WNT11: variants seen among roughly 807,000 people sequenced by gnomAD.
The protein encoded by WNT11 is protein Wnt-11.
A neutral mutation model predicts 35.6 loss-of-function variants in WNT11; 20 were observed. That is an observed-to-expected ratio of 0.56 (90% CI 0.40 to 0.82). The LOEUF is 0.82. WNT11 is among the 40% of genes least tolerant of loss of function. The probability of loss-of-function intolerance (pLI) is 0.00; values close to 1 mark genes in which losing one functional copy is unlikely to be tolerated. For synonymous variants in WNT11, 200 were observed against 211.9 expected (o/e 0.94, Z 0.49); for missense variants, 459 against 504.4 (o/e 0.91, Z 0.86).
intron 4 of WNT11, among the ~76,000 whole-genome samples, chr11:76,190,285 G>A (rs926357807): frequency 1.3e-5 from 2 of 152,010 alleles, no homozygotes; most frequent in Non-Finnish European, 2.9e-5. Context: ...CTTCACTCTC[G>A]GGTCCTCCGT....
At chr11:76,193,649 G>A (rs1953222938) in intron 3 of WNT11, among the ~76,000 whole-genome samples, 1 of 152,254 alleles carries the variant, frequency 6.6e-6, no homozygotes, top group African/African-American at 2.4e-5. Flanking sequence ...TTGAGAACAG[G>A]TGAGGCCACT....
In WNT11 at chr11:76,199,925, C is replaced by G. The variant is rs948502966; in HGVS notation, c.84-3207G>C. Among the ~76,000 whole-genome samples the G allele has an allele frequency of 1.1e-4, 17 of 152,352 alleles. No individual in the cohort carries two copies. The East Asian group carries it at 3.3e-3, about 29-fold the overall frequency. On this transcript the variant is annotated intron_variant, in intron 1 of 4. Transcript: ENST00000322563. ...CTCTGTCCTCTATGTGCTGTGCAAACTTGGGCAAACTATTGCCCCTCTCTG... is the reference window on the plus strand; with the variant it reads ...CTCTGTCCTCTATGTGCTGTGCAAAGTTGGGCAAACTATTGCCCCTCTCTG...
chr11:76,210,223 A>G (rs1310531792), upstream of WNT11: 3 of 177,500 alleles, frequency 1.7e-5, no homozygotes, highest in Admixed American at 1.3e-4. Flanking sequence ...GAACTGCACA[A>G]CCCACCACCG....
At chr11:76,197,706 A>T (rs932136890) in intron 1 of WNT11, among the ~76,000 whole-genome samples, 1 of 152,094 alleles carries the variant, frequency 6.6e-6, no homozygotes, top group East Asian at 1.9e-4. Flanking sequence ...GTGGGTCCCT[A>T]TGAACCCTGG....
intron 1 of WNT11, among the ~76,000 whole-genome samples, chr11:76,201,537 G>T (rs1953378272): frequency 6.6e-6 from 1 of 152,186 alleles, no homozygotes; most frequent in Non-Finnish European, 1.5e-5. Context: ...ATCTGGGGGT[G>T]GGGGCCTGGG....
rs774141806 is a variant in WNT11, at chr11:76,191,556, G to T, written c.890+8C>A. On this transcript the variant is annotated splice_region_variant and intron_variant, in intron 4 of 4. Transcript: ENST00000322563. ...ACCCTTTCCCACCAAGGTGGCAGCA[G>T]GCCTCACCTGTCTTGTGTCCCGTGG... 2.8e-5 allele frequency: 45 copies of T among 1,605,606 alleles called. No homozygotes were observed. Among genetic ancestry groups the T allele is most frequent in the Non-Finnish European group, 3.7e-5 (44 of 1,173,660 alleles).
chr11:76,208,835 T>C (rs1223494473), upstream of WNT11, among the ~76,000 whole-genome samples: 1 of 152,214 alleles, frequency 6.6e-6, no homozygotes, highest in African/African-American at 2.4e-5. Context: ...CCCGAGCCTC[T>C]GGGTCCTGAC....
chr11:76,194,043 G>A lies in WNT11; in HGVS notation c.597+524C>T, dbSNP rs566633472. On this transcript the variant is annotated intron_variant, in intron 3 of 4. Coordinates refer to ENST00000322563, the MANE Select transcript of WNT11 (RefSeq NM_004626.3). The surrounding 1 kb of genome is among the most constrained non-coding windows in gnomAD (Gnocchi z 5.4). ...TGAAAACCTGATAATAATGAATGCC[G>A]GAGGAAACTGTTCTAGCAGCTTCGG... Among the ~76,000 whole-genome samples the A allele has an allele frequency of 7.5e-4, 114 of 152,160 alleles. No homozygotes were observed. The highest frequency in any genetic ancestry group is 2.6e-3 in the African/African-American group (107 of 41,522).
At chr11:76,202,989 G>C (rs557306737) in intron 1 of WNT11, among the ~76,000 whole-genome samples, 2 of 152,320 alleles carry the variant, frequency 1.3e-5, no homozygotes, top group South Asian at 4.1e-4. Flanking sequence ...ACCCACCTGT[G>C]CAGCCCATCT....
chr11:76,190,602 CA>C (rs569771371), intron 4 of WNT11: 1 of 152,286 alleles, frequency 6.6e-6, no homozygotes, highest in African/African-American at 2.4e-5. Flanking sequence ...CCCAGACACC[CA>C]CTCTCTGGTG....
chr11:76,193,298 G>A (rs1953212535), intron 3 of WNT11, among the ~76,000 whole-genome samples: 1 of 152,256 alleles, frequency 6.6e-6, no homozygotes, highest in Admixed American at 6.5e-5. Flanking sequence ...CTCAGGGACG[G>A]GCCTGATTTG....
At chr11:76,205,371 T>A (rs1381115049) in intron 1 of WNT11, among the ~76,000 whole-genome samples, 1 of 151,904 alleles carries the variant, frequency 6.6e-6, no homozygotes, top group African/African-American at 2.4e-5. Flanking sequence ...TCCTGGACTT[T>A]CCCTCTCAGG....
chr11:76,210,704 T>A (rs530884563), upstream of WNT11: 2,264 of 981,322 alleles, frequency 2.3e-3, 2 homozygotes, highest in Non-Finnish European at 2.6e-3. Flanking sequence ...TGCGCTCAGC[T>A]CCCGTGGCCT....
intron 2 of WNT11, among the ~76,000 whole-genome samples, chr11:76,196,003 G>A (rs189578136): frequency 6.6e-6 from 1 of 152,248 alleles, no homozygotes; most frequent in East Asian, 1.9e-4. Context: ...GGAAGTCTTC[G>A]AGATGTTCTG....
In WNT11 at chr11:76,191,733, A is replaced by G. The variant is rs1286965869; in HGVS notation, c.721T>C (p.Tyr241His). Residue 241 changes from tyrosine to histidine, a missense_variant, in exon 4 of 5, where the codon TAC (tyrosine) becomes CAC (histidine). Tyr to His is a moderately conservative substitution (Grantham distance 83). Transcript: ENST00000322563. Reference protein sequence around the residue: ...QDVAADLKTRYLSATKVVHRP... With the variant: ...QDVAADLKTRHLSATKVVHRP... ...TGCACTACCTTGGTGGCCGACAGGT[A>G]TCGGGTCTTGAGGTCAGCAGCCACA... The G allele has an allele frequency of 2.5e-6, 4 of 1,613,636 alleles. No individual in the cohort carries two copies. Among genetic ancestry groups the G allele is most frequent in the South Asian group, 2.2e-5 (2 of 91,086 alleles).
In WNT11 at chr11:76,191,830, C is replaced by T; in HGVS notation, c.624G>A (p.Lys208=). 1 of 1,605,312 alleles carries T rather than the reference C, an allele frequency of 6.2e-7. No individual in the cohort carries two copies. Among genetic ancestry groups the T allele is most frequent in the Non-Finnish European group, 8.5e-7 (1 of 1,179,584 alleles). Residue 208 remains lysine, a synonymous_variant, in exon 4 of 5, where the codon AAG becomes AAA. Transcript: ENST00000322563. ...RQALRASLEM[K]CKCHGVSGSC... ...AGCCAGACACCCCATGGCACTTACA[C>T]TTCATTTCCAGAGAGGCGCGCAGAG...
chr11:76,208,937 G>A (rs1333774601), upstream of WNT11, among the ~76,000 whole-genome samples: 1 of 152,116 alleles, frequency 6.6e-6, no homozygotes, highest in Non-Finnish European at 1.5e-5. Flanking sequence ...GGGTGCACGC[G>A]CCTCCTGAAG....
intron 1 of WNT11, 32 bp downstream of exon 1, chr11:76,206,293 C>T (rs777660055): frequency 2.7e-6 from 4 of 1,482,148 alleles, no homozygotes; most frequent in South Asian, 2.6e-5. Context: ...CAGTCCCTGG[C>T]CTGTGCGCGT....
chr11:76,197,986 A>G (rs1953315275), intron 1 of WNT11, among the ~76,000 whole-genome samples: 1 of 152,178 alleles, frequency 6.6e-6, no homozygotes, highest in Admixed American at 6.5e-5. Context: ...GGGAACCAAG[A>G]GGGGGCCATT....
Sources: allele counts gnomAD v4.1 joint callset (sites outside exome capture counted in the v4.1 genomes callset), GRCh38; gene constraint gnomAD v4.1.1; non-coding constraint Gnocchi (gnomAD v3.1); transcripts MANE v1.5; gene names NCBI Gene and HGNC (gene_info 2026-07-23, HGNC 2026-07-21).